Variants in LATS1 observed in about 807,000 individuals in gnomAD.
The protein encoded by LATS1 is serine/threonine-protein kinase LATS1.
LATS1 carries 25 observed loss-of-function variants against 106.6 expected under a neutral mutation model. That is an observed-to-expected ratio of 0.23 (90% CI 0.17 to 0.33). The LOEUF is 0.33. Ranked by LOEUF, LATS1 falls within the 10% of genes least tolerant of loss-of-function variation. The pLI, the probability that LATS1 is intolerant of heterozygous loss-of-function variation, is 1.00. For synonymous variants in LATS1, 465 were observed against 455.6 expected, an observed-to-expected ratio of 1.02 and a Z score of -0.26; for missense variants, 1,040 against 1,382.6, an observed-to-expected ratio of 0.75 and a Z score of 3.93.
chr6:149,700,123 T>C (rs1019074598), intron 2 of LATS1, among the ~76,000 whole-genome samples: 2 of 152,162 alleles, frequency 1.3e-5, no homozygotes, highest in African/African-American at 4.8e-5. Context: ...CACTTAAGTG[T>C]AAAAATGATA....
rs1562325612 is a variant in LATS1, at chr6:149,676,637, A to T, written c.2694T>A (p.Ala898=). 2 of 1,614,142 alleles carry T rather than the reference A, an allele frequency of 1.2e-6. No individual in the cohort carries two copies. The highest frequency in any genetic ancestry group is 4.5e-5 in the East Asian group (2 of 44,888). ...GDRLKPLERR[A]ARQHQRCLAH... ...CTAGACATCGCTGGTGCTGGCGTGC[A>T]GCTCTCCGCTCTAATGGCTTCAGTC... The change falls in exon 6 of 8, where the codon GCT becomes GCA. Residue 898 remains alanine (A), a synonymous_variant. Coordinates refer to ENST00000543571, the MANE Select transcript of LATS1 (RefSeq NM_004690.4).
chr6:149,682,415 C>CTT (rs869175355), intron 4 of LATS1, among the ~76,000 whole-genome samples: 13 of 138,322 alleles, frequency 9.4e-5, no homozygotes, highest in Admixed American at 2.2e-4. Context: ...TTTCTTTTTT[C>CTT]TTTTTTTTTT....
chr6:149,684,661 G>A (rs1782263696), intron 3 of LATS1, 69 bp from the exon 4 acceptor site: 1 of 1,130,274 alleles, frequency 8.8e-7, no homozygotes. Flanking sequence ...GAAAACCTTA[G>A]CTTGCAATTC....
chr6:149,658,368 TAATACAA>T lies in LATS1; in HGVS notation c.*3354_*3360del, dbSNP rs1780775009. 6.6e-6 allele frequency: 1 copy of T among 152,196 alleles called. No homozygotes were observed. Among genetic ancestry groups the T allele is most frequent in the African/African-American group, 2.4e-5 (1 of 41,456 alleles). 9.4% of individuals were successfully genotyped at this position (152,196 alleles called of 1,614,324 possible). A position where few individuals can be genotyped will look rare whatever the true frequency, so the allele number is the denominator to read the frequency against. On this transcript the variant is annotated 3_prime_UTR_variant, in exon 8 of 8. Coordinates refer to ENST00000543571, the MANE Select transcript of LATS1 (RefSeq NM_004690.4). ...TTTAATGTTGCCACTGATTCAATTT[TAATACAA>T]AATACTTATATACACAATACAATAT...
chr6:149,680,990 T>C (rs180899879), intron 4 of LATS1, among the ~76,000 whole-genome samples: 2 of 152,112 alleles, frequency 1.3e-5, no homozygotes, highest in Non-Finnish European at 2.9e-5. Context: ...CTATTCTCAA[T>C]AAATATACAA....
rs113248874 is a variant in LATS1, at chr6:149,717,939, T to A, written c.-231A>T. 8.3e-6 allele frequency: 3 copies of A among 361,244 alleles called. No homozygotes were observed. Among genetic ancestry groups the A allele is most frequent in the Non-Finnish European group, 1.6e-5 (3 of 188,370 alleles). 22.4% of individuals were successfully genotyped at this position (361,244 alleles called of 1,614,324 possible). On this transcript the variant is annotated 5_prime_UTR_variant, in exon 1 of 8. Transcript: ENST00000543571. Reference sequence around the variant, plus strand: ...GAGTCCGTCCCAGCAACCCCAAGTATCCCTGGTGGGGCAGAGCGGGGAGAC... The same window carrying A: ...GAGTCCGTCCCAGCAACCCCAAGTAACCCTGGTGGGGCAGAGCGGGGAGAC...
Position 149,700,285 on chromosome 6 carries a change from C to T in LATS1, c.348+1494G>A, listed in dbSNP as rs143362820. Among the ~76,000 whole-genome samples, 97 of 152,158 alleles carry T rather than the reference C, an allele frequency of 6.4e-4. 2 individuals carry two copies. The East Asian group carries it at 0.017, about 27-fold the overall frequency. The stretch of plus-strand genomic sequence containing the variant: ...GGTCAGGAGTTCGAGACCAGCCTGG[C>T]CAACATGGTGAAACCCCATCTCTAC... On this transcript the variant is annotated intron_variant, in intron 2 of 7. Transcript: ENST00000543571.
chr6:149,703,622 G>A (rs1783586670), intron 1 of LATS1, among the ~76,000 whole-genome samples: 1 of 152,056 alleles, frequency 6.6e-6, no homozygotes. Context: ...CACAACACTT[G>A]GGAGGCCAAG....
Position 149,662,154 on chromosome 6 carries a change from G to A in LATS1, c.2968C>T (p.Arg990Ter), listed in dbSNP as rs761840476. 3 of 1,613,866 alleles carry A rather than the reference G, an allele frequency of 1.9e-6. No homozygotes were observed. The highest frequency in any genetic ancestry group is 1.7e-5 in the Admixed American group (1 of 59,988). ...TTGCCTAAGCGATCTTCGGGTCCTCGGCAAAGTTTAATAATAAGATCAGAA... is the reference window on the plus strand; with the variant it reads ...TTGCCTAAGCGATCTTCGGGTCCTCAGCAAAGTTTAATAATAAGATCAGAA... ...EASDLIIKLC[R>*]GPEDRLGKNG... The change falls in exon 8 of 8, where the codon CGA (arginine) becomes TGA (stop). Residue 990 changes from arginine to a stop codon, truncating the protein, a stop_gained. Transcript: ENST00000543571. LOFTEE classifies it high-confidence loss of function.
At chr6:149,711,057 T>C (rs886192561) in intron 1 of LATS1, among the ~76,000 whole-genome samples, 1 of 152,090 alleles carries the variant, frequency 6.6e-6, no homozygotes, top group Non-Finnish European at 1.5e-5. Context: ...ATTAAAGACG[T>C]AGCCTTCCCA....
intron 2 of LATS1, 122 bp from the exon 3 acceptor site, chr6:149,695,343 C>T (rs1782998007): frequency 4.9e-6 from 3 of 616,742 alleles, no homozygotes; most frequent in Non-Finnish European, 2.7e-6. Flanking sequence ...AGCCCCAAAC[C>T]ATGATATTAA....
At chr6:149,675,085 C>A (rs141532749) in intron 7 of LATS1, among the ~76,000 whole-genome samples, 1 of 151,504 alleles carries the variant, frequency 6.6e-6, no homozygotes. Context: ...GGTATGATGG[C>A]GCATGCCTGT....
At chr6:149,702,859 G>C (rs932822892) in intron 1 of LATS1, among the ~76,000 whole-genome samples, 9 of 151,768 alleles carry the variant, frequency 5.9e-5, no homozygotes, top group African/African-American at 2.2e-4. Flanking sequence ...ATTTTTAGTA[G>C]AGAGGGGGTT....
chr6:149,710,281 A>G (rs561924285), intron 1 of LATS1, among the ~76,000 whole-genome samples: 1 of 152,274 alleles, frequency 6.6e-6, no homozygotes, highest in Non-Finnish European at 1.5e-5. Context: ...CTTAGAATAG[A>G]TCTCTTAAAA....
Position 149,684,036 on chromosome 6 carries a change from A to G in LATS1, c.1053T>C (p.Thr351=), listed in dbSNP as rs2114823232. 2 of 1,614,182 alleles carry G rather than the reference A, an allele frequency of 1.2e-6. No individual in the cohort carries two copies. Among genetic ancestry groups the G allele is most frequent in the Non-Finnish European group, 1.7e-6 (2 of 1,180,032 alleles). Residue 351 remains threonine (T), a synonymous_variant, in exon 4 of 8, where the codon ACT becomes ACC. Coordinates refer to ENST00000543571, the MANE Select transcript of LATS1 (RefSeq NM_004690.4). The part of the protein sequence containing the change: ...PSGRPGMQNG[T]GQTDFMIHQN... ...GGTGTATCATGAAATCAGTTTGTCC[A>G]GTACCATTCTGCATTCCAGGTCTCC...
rs1363800710 is a variant in LATS1, at chr6:149,676,244, A to G, written c.2883+16T>C. 2.7e-6 allele frequency: 4 copies of G among 1,508,658 alleles called. No individual in the cohort carries two copies. In the East Asian group the frequency reaches 6.8e-5, roughly 25 times the overall value. 93.5% of individuals were successfully genotyped at this position (1,508,658 alleles called of 1,614,324 possible). A position where few individuals can be genotyped will look rare whatever the true frequency, so the allele number is the denominator to read the frequency against. On this transcript the variant is annotated intron_variant, in intron 7 of 7. Coordinates refer to ENST00000543571, the MANE Select transcript of LATS1 (RefSeq NM_004690.4). ...AACTTTGTGAGAATTCTTTTGATAT[A>G]GATGCCATACCTTACCTTCATTTGT...
Position 149,680,276 on chromosome 6 carries a change from T to TACAA in LATS1, c.2188_2191dup (p.Tyr731PhefsTer22). On this transcript the variant is annotated frameshift_variant, in exon 5 of 8. Coordinates refer to ENST00000543571, the MANE Select transcript of LATS1 (RefSeq NM_004690.4). LOFTEE classifies it high-confidence loss of function. Reference sequence around the variant, plus strand: ...TTTCTTTCGAAGAGTTTTTGTTGCATACAAAGCCTTAGTATCTACTTTTCT... The same window carrying TACAA: ...TTTCTTTCGAAGAGTTTTTGTTGCATACAAACAAAGCCTTAGTATCTACTTTTCT... 1 of 1,613,856 alleles carries TACAA rather than the reference T, an allele frequency of 6.2e-7. No individual in the cohort carries two copies. The highest frequency in any genetic ancestry group is 8.5e-7 in the Non-Finnish European group (1 of 1,180,006).
intron 1 of LATS1, among the ~76,000 whole-genome samples, chr6:149,709,577 T>G (rs1275655912): frequency 1.3e-5 from 2 of 151,990 alleles, no homozygotes; most frequent in Non-Finnish European, 2.9e-5. Flanking sequence ...AATGGGAACT[T>G]TGGTCTCCAC....
At chr6:149,694,940 T>C in intron 3 of LATS1, 134 bp downstream of exon 3, 1 of 704,108 alleles carries the variant, frequency 1.4e-6, no homozygotes, top group Non-Finnish European at 2.2e-6. Flanking sequence ...AACATTATAA[T>C]GTTATCTTAA....
Sources: gnomAD v4.1 joint callset for allele counts (sites outside exome capture counted in the v4.1 genomes callset) on GRCh38, gnomAD v4.1.1 for gene constraint, MANE v1.5 for transcripts, NCBI Gene and HGNC (gene_info 2026-07-23, HGNC 2026-07-21) for gene names.